Variants in DNAJB4 observed in about 807,000 individuals in gnomAD.
The protein encoded by DNAJB4 is DnaJ heat shock protein family (Hsp40) member B4, also known as dnaJ homolog subfamily B member 4.
In DNAJB4, 10 loss-of-function variants were observed where a neutral mutation model predicts 26.6. The observed-to-expected ratio is 0.38, with a 90% CI of 0.23 to 0.64. The LOEUF (loss-of-function observed/expected upper bound fraction) is 0.64, where lower values mean the gene tolerates loss of function less well. DNAJB4 is among the 30% of genes least tolerant of loss of function. The probability of loss-of-function intolerance (pLI) is 0.58; values close to 1 mark genes in which losing one functional copy is unlikely to be tolerated. For missense variants in DNAJB4, 328 were observed against 408.2 expected (o/e 0.80, Z 1.69); for synonymous variants, 136 against 134.8 (o/e 1.01, Z -0.06).
intron 1 of DNAJB4, among the ~76,000 whole-genome samples, chr1:77,982,332 A>G (rs571148702): frequency 6.6e-6 from 1 of 152,226 alleles, no homozygotes; most frequent in East Asian, 1.9e-4. Context: ...CAAAACATTT[A>G]TTGTTTCTTT....
chr1:77,997,498 C>T (rs1335492402), intron 1 of DNAJB4, among the ~76,000 whole-genome samples: 1 of 151,874 alleles, frequency 6.6e-6, no homozygotes, highest in Non-Finnish European at 1.5e-5. Context: ...ACAGTAAAAC[C>T]CTGTCTCCAT....
chr1:77,991,111 T>C (rs865995887), intron 1 of DNAJB4, among the ~76,000 whole-genome samples: 1 of 152,102 alleles, frequency 6.6e-6, no homozygotes, highest in Non-Finnish European at 1.5e-5. Flanking sequence ...AAAGCAGAAG[T>C]AAGCTAGGTG....
Position 78,013,202 on chromosome 1 carries a change from T to G in DNAJB4, c.363T>G (p.Asp121Glu). Residue 121 changes from aspartate (D) to glutamate (E), a missense_variant, in exon 2 of 3, where the codon GAT (aspartate) becomes GAG (glutamate). By Grantham distance (45) the Asp-to-Glu change is conservative. Transcript: ENST00000370763. ...FFGRRMGGGR[D>E]SEEMEIDGDP... ...GAAGACGAATGGGTGGTGGTAGAGA[T>G]TCTGAAGAAATGGAAATAGATGGTG... is the stretch of plus-strand genomic sequence containing the variant. The G allele has an allele frequency of 6.2e-7, 1 of 1,614,132 alleles. No individual in the cohort carries two copies. The highest frequency in any genetic ancestry group is 1.6e-4 in the Middle Eastern group (1 of 6,062).
chr1:78,016,098 A>G lies in DNAJB4; in HGVS notation c.865A>G (p.Met289Val), dbSNP rs1465421825. ...AGTAAATGATATTGTGAAACCCGGA[A>G]TGAGGAGAAGAATTATTGGATATGG... ...MSVNDIVKPGMRRRIIGYGLP... is the reference protein window; with the variant it reads ...MSVNDIVKPGVRRRIIGYGLP... Residue 289 changes from methionine to valine, a missense_variant, in exon 3 of 3, where the codon ATG (methionine) becomes GTG (valine). By Grantham distance (21) the Met-to-Val change is conservative (BLOSUM62 1). Transcript: ENST00000370763. 6.8e-6 allele frequency: 11 copies of G among 1,614,154 alleles called. No individual in the cohort carries two copies. Among genetic ancestry groups the G allele is most frequent in the Non-Finnish European group, 9.3e-6 (11 of 1,180,016 alleles).
Position 78,013,061 on chromosome 1 carries a change from A to G in DNAJB4, c.222A>G (p.Gly74=). 1 of 1,597,816 alleles carries G rather than the reference A, an allele frequency of 6.3e-7. No individual in the cohort carries two copies. The highest frequency in any genetic ancestry group is 8.5e-7 in the Non-Finnish European group (1 of 1,173,284). The change falls in exon 2 of 3, where the codon GGA becomes GGG. Residue 74 remains glycine (G), a synonymous_variant. Coordinates refer to ENST00000370763, the MANE Select transcript of DNAJB4 (RefSeq NM_007034.5). ...YDQFGEEGLK[G]GAGGTDGQGG... ...TATCTCTTCAATTAGGGTTGAAAGG[A>G]GGAGCAGGAGGTACTGATGGACAAG...
intron 1 of DNAJB4, 29 bp from the exon 2 acceptor site, chr1:78,013,022 T>C: frequency 6.6e-7 from 1 of 1,522,226 alleles, no homozygotes; most frequent in East Asian, 2.3e-5. Flanking sequence ...TGCAAGCTTT[T>C]TTCTAATCAT....
intron 1 of DNAJB4, among the ~76,000 whole-genome samples, chr1:77,999,481 C>T (rs1660141238): frequency 1.3e-5 from 2 of 149,478 alleles, no homozygotes; most frequent in East Asian, 3.9e-4. Context: ...AGATAAAGGT[C>T]TGAAAAGGGA....
upstream of DNAJB4, among the ~76,000 whole-genome samples, chr1:78,003,198 A>G (rs1216207958): frequency 6.6e-6 from 1 of 152,094 alleles, no homozygotes; most frequent in African/African-American, 2.4e-5. Flanking sequence ...CTTGCACTGG[A>G]TTTCAGTTTG....
At chr1:77,979,202 G>T (rs111774384), upstream of DNAJB4, 1 of 578,144 alleles carries the variant, frequency 1.7e-6, no homozygotes, top group African/African-American at 1.9e-5. Context: ...GGCTGAGAAA[G>T]AACGACAGGA....
intron 1 of DNAJB4, among the ~76,000 whole-genome samples, chr1:77,993,522 G>A (rs1659986766): frequency 6.6e-6 from 1 of 151,980 alleles, no homozygotes; most frequent in Non-Finnish European, 1.5e-5. Context: ...CACCACGTTG[G>A]CCAGGCTGGT....
chr1:77,993,411 T>G (rs1365030441), intron 1 of DNAJB4, among the ~76,000 whole-genome samples: 1 of 152,120 alleles, frequency 6.6e-6, no homozygotes, highest in African/African-American at 2.4e-5. Flanking sequence ...CCTCCCGGGT[T>G]TAAACAATTC....
At chr1:77,998,080 T>G (rs1660107454) in intron 1 of DNAJB4, among the ~76,000 whole-genome samples, 1 of 152,188 alleles carries the variant, frequency 6.6e-6, no homozygotes, top group African/African-American at 2.4e-5. Flanking sequence ...GGCCTCTGTT[T>G]GACTATCTTT....
intron 1 of DNAJB4, among the ~76,000 whole-genome samples, chr1:77,982,803 CGAAA>C (rs144672281): frequency 0.028 from 4,190 of 152,102 alleles, 151 homozygotes; most frequent in African/African-American, 0.096. Flanking sequence ...GTCTCAAAAA[CGAAA>C]GAAAGAAAGA....
chr1:77,986,986 C>T (rs1354928729), intron 1 of DNAJB4, among the ~76,000 whole-genome samples: 1 of 152,132 alleles, frequency 6.6e-6, no homozygotes, highest in African/African-American at 2.4e-5. Flanking sequence ...AAAGTTTCTG[C>T]TACCAGTGTC....
At chr1:77,988,364 G>A (rs1463388752) in intron 1 of DNAJB4, among the ~76,000 whole-genome samples, 1 of 152,000 alleles carries the variant, frequency 6.6e-6, no homozygotes, top group Non-Finnish European at 1.5e-5. Context: ...TCTTTCCCAC[G>A]CTGTTAAGAA....
intron 1 of DNAJB4, among the ~76,000 whole-genome samples, chr1:77,998,027 AG>A (rs1406473948): frequency 6.6e-6 from 1 of 152,140 alleles, no homozygotes; most frequent in Non-Finnish European, 1.5e-5. Context: ...TGCAGTCCTT[AG>A]CTTCCCAAAG....
intron 1 of DNAJB4, among the ~76,000 whole-genome samples, chr1:77,994,455 T>C (rs905471891): frequency 3.3e-5 from 5 of 151,930 alleles, no homozygotes; most frequent in Admixed American, 6.5e-5. Flanking sequence ...CTAAACAAAC[T>C]TGCTAAATAA....
intron 1 of DNAJB4, among the ~76,000 whole-genome samples, chr1:78,010,537 A>G (rs769614799): frequency 6.6e-6 from 1 of 152,166 alleles, no homozygotes; most frequent in Non-Finnish European, 1.5e-5. Flanking sequence ...TGCTATTTGG[A>G]TATATTGTTC....
At chr1:78,010,675 A>C (rs1660444005) in intron 1 of DNAJB4, among the ~76,000 whole-genome samples, 1 of 152,194 alleles carries the variant, frequency 6.6e-6, no homozygotes, top group Non-Finnish European at 1.5e-5. Context: ...GTAGATATAT[A>C]CCTTTTAATG....
Sources: gnomAD v4.1 joint callset for allele counts (sites outside exome capture counted in the v4.1 genomes callset) on GRCh38, gnomAD v4.1.1 for gene constraint, MANE v1.5 for transcripts, NCBI Gene and HGNC (gene_info 2026-07-23, HGNC 2026-07-21) for gene names.